Variants in RASA3 observed in about 807,000 individuals in gnomAD.
The protein encoded by RASA3 is ras GTPase-activating protein 3.
A neutral mutation model predicts 110.0 loss-of-function variants in RASA3; 73 were observed. That is an observed-to-expected ratio of 0.66 (90% CI 0.55 to 0.81). The LOEUF is 0.81. RASA3 is among the 30% of genes least tolerant of loss of function. RASA3 has a pLI of 0.00. For missense variants in RASA3, 976 were observed against 1,113.2 expected, an observed-to-expected ratio of 0.88 and a Z score of 1.75; for synonymous variants, 500 against 451.4, an observed-to-expected ratio of 1.11 and a Z score of -1.37.
chr13:114,048,695 C>T lies in RASA3; in HGVS notation c.277+3357G>A, dbSNP rs1011342161. Among the ~76,000 whole-genome samples, 40 of 152,354 alleles carry T rather than the reference C, an allele frequency of 2.6e-4. No individual in the cohort carries two copies. The highest frequency in any genetic ancestry group is 5.9e-4 in the Admixed American group (9 of 15,308). On this transcript the variant is annotated intron_variant, in intron 3 of 23. Coordinates refer to ENST00000334062, the MANE Select transcript of RASA3 (RefSeq NM_007368.4). This position sits in a 1 kb window ranked among gnomAD's most constrained non-coding sequence, Gnocchi z 4.3. The stretch of plus-strand genomic sequence containing the variant: ...TGCGCCCCGTGTGTCCCGCAGGTCA[C>T]GGCCCTGCAGCTGGGAGCCCGGCTT...
chr13:114,122,086 G>A (rs1448649368), intron 1 of RASA3, among the ~76,000 whole-genome samples: 6 of 152,256 alleles, frequency 3.9e-5, no homozygotes, highest in Non-Finnish European at 8.8e-5. Flanking sequence ...TAGTTGTCGG[G>A]GAGGGAGAGG....
At chr13:114,100,077 C>T (rs932109767) in intron 1 of RASA3, among the ~76,000 whole-genome samples, 22 of 150,794 alleles carry the variant, frequency 1.5e-4, no homozygotes, top group African/African-American at 4.7e-4. Context: ...TCTGGAAGAG[C>T]GGCAGGCCAG....
intron 1 of RASA3, among the ~76,000 whole-genome samples, chr13:114,130,841 C>T (rs757081398): frequency 3.3e-5 from 5 of 152,172 alleles, no homozygotes; most frequent in Admixed American, 1.3e-4. Flanking sequence ...CTCCTGCCCC[C>T]GTGACTGAGG....
At chr13:114,024,767 A>G (rs1168113657) in intron 7 of RASA3, among the ~76,000 whole-genome samples, 1 of 152,076 alleles carries the variant, frequency 6.6e-6, no homozygotes, top group African/African-American at 2.4e-5. Flanking sequence ...TCAAGGCTCT[A>G]TTTGCCAACA....
intron 17 of RASA3, 124 bp downstream of exon 17, chr13:114,009,263 G>A (rs2053580158): frequency 6.5e-6 from 5 of 771,788 alleles, no homozygotes; most frequent in East Asian, 5.0e-5. Context: ...TGCACCGAAC[G>A]CCTTTATTGT....
chr13:114,116,841 TCAGTGTGGGTGTGCAC>T, intron 1 of RASA3, among the ~76,000 whole-genome samples: 1 of 111,926 alleles, frequency 8.9e-6, no homozygotes, highest in Non-Finnish European at 1.7e-5. Context: ...GAGGGGTGCA[TCAGTGTGGGTGTGCAC>T]GTGTGTGAGG....
intron 1 of RASA3, among the ~76,000 whole-genome samples, chr13:114,118,961 G>A (rs138155087): frequency 6.6e-6 from 1 of 152,340 alleles, no homozygotes; most frequent in African/African-American, 2.4e-5. Flanking sequence ...GAACTAAATG[G>A]TCACCCATGA....
chr13:114,017,252 C>T lies in RASA3; in HGVS notation c.1191G>A (p.Lys397=). The T allele has an allele frequency of 6.2e-7, 1 of 1,613,614 alleles. No homozygotes were observed. The highest frequency in any genetic ancestry group is 1.1e-5 in the South Asian group (1 of 91,084). Residue 397 remains lysine, a synonymous_variant, in exon 12 of 24, where the codon AAG becomes AAA. Transcript: ENST00000334062. The part of the protein sequence containing the change: ...AGMHYLHVTL[K]PAIEEICQSH... ...CCGTGCTCACCTCCTCGATGGCGGG[C>T]TTCAGGGTGACATGCAGGTAATGCA...
chr13:114,068,707 C>A (rs1003792653), intron 2 of RASA3, among the ~76,000 whole-genome samples: 11 of 152,190 alleles, frequency 7.2e-5, no homozygotes, highest in African/African-American at 2.4e-4. Context: ...AATAAGGAAA[C>A]AAATAGTGGC....
Position 114,018,872 on chromosome 13 carries a change from T to C in RASA3, c.833A>G (p.Asp278Gly). 6.2e-7 allele frequency: 1 copy of C among 1,613,922 alleles called. No homozygotes were observed. The highest frequency in any genetic ancestry group is 8.5e-7 in the Non-Finnish European group (1 of 1,179,996). ...GTTCAGCCGCAGGGAGCCCAGGTCG[T>C]CTGGCTTTAGGCTCTTGCTACCATT... ...RDNGSKSLKP[D>G]DLGSLRLNVV... is the part of the protein sequence containing the mutation. The change falls in exon 10 of 24, where the codon GAC (aspartate) becomes GGC (glycine). Residue 278 changes from aspartate to glycine, a missense_variant. By Grantham distance (94) the Asp-to-Gly change is moderately conservative. Around this residue, in one of 4 missense-constraint regions of RASA3, gnomAD observed 732 missense variants for 779.7 expected, o/e 0.94. Transcript: ENST00000334062.
At chr13:113,991,195 C>T (rs113343406) in intron 22 of RASA3, among the ~76,000 whole-genome samples, 204 of 11,498 alleles carry the variant, frequency 0.018, no homozygotes, top group African/African-American at 0.028. Context: ...CCAGGGCATG[C>T]GGGGCTGGAG....
At chr13:114,063,647 C>G (rs2079399233) in intron 2 of RASA3, among the ~76,000 whole-genome samples, 1 of 152,198 alleles carries the variant, frequency 6.6e-6, no homozygotes, top group Admixed American at 6.5e-5. Context: ...GTCCCCCTGC[C>G]ATGTGCACGC....
intron 4 of RASA3, among the ~76,000 whole-genome samples, chr13:114,039,181 G>A (rs181069617): frequency 9.1e-4 from 138 of 152,290 alleles, no homozygotes; most frequent in African/African-American, 3.2e-3. Context: ...GACCCAGGAA[G>A]CCCTCCCACA....
In RASA3 at chr13:113,979,339, C is replaced by T. The variant is rs1406860942; in HGVS notation, c.*8G>A. 1.1e-5 allele frequency: 17 copies of T among 1,583,578 alleles called. No individual in the cohort carries two copies. Among genetic ancestry groups the T allele is most frequent in the East Asian group, 2.2e-5 (1 of 44,726 alleles). ...CTTGCTGGCGCCACTGGGCGCGTCCCGCAGACTTTAAATGGAATGAGTGGA... is the reference window on the plus strand; with the variant it reads ...CTTGCTGGCGCCACTGGGCGCGTCCTGCAGACTTTAAATGGAATGAGTGGA... On this transcript the variant is annotated 3_prime_UTR_variant, in exon 24 of 24. Coordinates refer to ENST00000334062, the MANE Select transcript of RASA3 (RefSeq NM_007368.4).
chr13:114,014,122 CCTT>C lies in RASA3; in HGVS notation c.1406-877_1406-875del, dbSNP rs747153729. Among the ~76,000 whole-genome samples, 22 of 150,900 alleles carry C rather than the reference CCTT, an allele frequency of 1.5e-4. No individual in the cohort carries two copies. The highest frequency in any genetic ancestry group is 6.8e-3 in the Middle Eastern group (2 of 294). The stretch of plus-strand genomic sequence containing the variant: ...TCTCTCCCTGTCTCTCTCTCTCTCT[CCTT>C]GTCTCTCTCTGTCTCTCTCCTTCTG... On this transcript the variant is annotated intron_variant, in intron 14 of 23. Coordinates refer to ENST00000334062, the MANE Select transcript of RASA3 (RefSeq NM_007368.4). The surrounding 1 kb of genome is among the most constrained non-coding windows in gnomAD (Gnocchi z 4.5).
intron 8 of RASA3, 39 bp downstream of exon 8, chr13:114,024,240 A>G: frequency 6.3e-7 from 1 of 1,591,442 alleles, no homozygotes; most frequent in Non-Finnish European, 8.6e-7. Context: ...GTTTGGGTGA[A>G]AACTGCCAAG....
intron 1 of RASA3, among the ~76,000 whole-genome samples, chr13:114,090,129 C>T (rs566995069): frequency 5.9e-5 from 9 of 152,336 alleles, no homozygotes; most frequent in Non-Finnish European, 1.0e-4. Context: ...CCCATGTGAA[C>T]ACGGACAGCT....
At chr13:113,991,685 C>G (rs561857936) in intron 22 of RASA3, among the ~76,000 whole-genome samples, 48 of 152,346 alleles carry the variant, frequency 3.2e-4, no homozygotes, top group African/African-American at 1.1e-3. Flanking sequence ...ATTTGAAACA[C>G]ACGGTGTGCC....
intron 1 of RASA3, among the ~76,000 whole-genome samples, chr13:114,088,770 G>A (rs2079852906): frequency 6.6e-6 from 1 of 152,100 alleles, no homozygotes; most frequent in African/African-American, 2.4e-5. Context: ...GGCTGGTCTT[G>A]AACTCCCGAC....
Sources: gnomAD v4.1 joint callset for allele counts (sites outside exome capture counted in the v4.1 genomes callset) on GRCh38, gnomAD v4.1.1 for gene constraint, gnomAD v4.1.1 regional missense constraint, Gnocchi (gnomAD v3.1) non-coding constraint, MANE v1.5 for transcripts, NCBI Gene and HGNC (gene_info 2026-07-23, HGNC 2026-07-21) for gene names.